SMU1: variants seen among roughly 807,000 people sequenced by gnomAD.
The protein encoded by SMU1 is WD40 repeat-containing protein SMU1.
A neutral mutation model predicts 62.0 loss-of-function variants in SMU1; 2 were observed. That is an observed-to-expected ratio of 0.03 (90% CI 0.01 to 0.10). The LOEUF (loss-of-function observed/expected upper bound fraction) is 0.10, where lower values mean the gene tolerates loss of function less well. SMU1 is among the 10% of genes least tolerant of loss of function. SMU1 has a pLI of 1.00. For synonymous variants in SMU1, 188 were observed against 212.4 expected (o/e 0.89, Z 1.00); for missense variants, 227 against 622.1 (o/e 0.36, Z 6.76).
In SMU1 at chr9:33,051,051, G is replaced by GTC. The variant is rs1839241507; in HGVS notation, c.1290+2071_1290+2072insGA. ...CAGGAGAATGGCGTGAACCCAGGAG[G>GTC]CGGAGCTTGCAGTGAGCCGAGATCG... On this transcript the variant is annotated intron_variant, in intron 10 of 11. Coordinates refer to ENST00000397149, the MANE Select transcript of SMU1 (RefSeq NM_018225.3). 7.2e-5 allele frequency among the ~76,000 whole-genome samples: 7 copies of GTC among 96,876 alleles called. 1 individual carries two copies. Among genetic ancestry groups the GTC allele is most frequent in the Non-Finnish European group, 1.6e-4 (7 of 44,014 alleles). The allele number at this position is 96,876 out of a possible 152,430, so 63.6% of individuals were successfully genotyped here. A position where few individuals can be genotyped will look rare whatever the true frequency, so the allele number is the denominator to read the frequency against.
At position 33,047,119 on chromosome 9, in the gene SMU1, TA is replaced by T. The variant is rs1301983566; in HGVS notation, c.*173del. On this transcript the variant is annotated 3_prime_UTR_variant, in exon 12 of 12. Transcript: ENST00000397149. ...GATAAACTAATACCTTAAAAATATATAAAAAAAGAAAGGGTAGTTGCTACTT... is the reference window on the plus strand; with the variant it reads ...GATAAACTAATACCTTAAAAATATATAAAAAAGAAAGGGTAGTTGCTACTT... The T allele has an allele frequency of 5.9e-6, 3 of 511,574 alleles. No individual in the cohort carries two copies. The highest frequency in any genetic ancestry group is 1.0e-5 in the Non-Finnish European group (3 of 290,382). The allele number at this position is 511,574 out of a possible 1,614,324, so 31.7% of individuals were successfully genotyped here.
chr9:33,050,692 G>A (rs1839234176), intron 10 of SMU1, among the ~76,000 whole-genome samples: 1 of 151,876 alleles, frequency 6.6e-6, no homozygotes, highest in South Asian at 2.1e-4. Flanking sequence ...AGGGTGCAGT[G>A]GGAGGCGCCT....
At chr9:33,047,539 C>T (rs1839200063) in intron 11 of SMU1, 148 bp from the exon 12 acceptor site, 4 of 576,810 alleles carry the variant, frequency 6.9e-6, no homozygotes, top group Non-Finnish European at 1.2e-5. Context: ...GAGGGTTTTC[C>T]AACTCACATC....
At chr9:33,052,976 A>G in intron 10 of SMU1, 147 bp downstream of exon 10, 1 of 701,094 alleles carries the variant, frequency 1.4e-6, no homozygotes, top group Non-Finnish European at 2.5e-6. Flanking sequence ...ATGGAGCTAT[A>G]AATAAATCTG....
chr9:33,057,847 T>G (rs1839319411), intron 6 of SMU1, 133 bp from the exon 7 acceptor site: 1 of 1,008,338 alleles, frequency 9.9e-7, no homozygotes, highest in Non-Finnish European at 1.4e-6. Flanking sequence ...GTGCCGTGCA[T>G]ACACGTTCCT....
Position 33,056,056 on chromosome 9 carries a change from C to G in SMU1, c.1122+57G>C. ...TTCCCATTATCACCACTGAAAACTC[C>G]TCAAAGGACAAAGATGGGGTAGACA... On this transcript the variant is annotated intron_variant, in intron 9 of 11. Coordinates refer to ENST00000397149, the MANE Select transcript of SMU1 (RefSeq NM_018225.3). 3.2e-6 allele frequency: 5 copies of G among 1,542,656 alleles called. No individual in the cohort carries two copies. The South Asian group carries it at 6.1e-5, about 19-fold the overall frequency.
At chr9:33,071,536 CAAAT>C (rs1175494076) in intron 3 of SMU1, among the ~76,000 whole-genome samples, 200 bp downstream of exon 3, 3 of 151,858 alleles carry the variant, frequency 2.0e-5, no homozygotes, top group Non-Finnish European at 4.4e-5. Flanking sequence ...ATAGAAGACT[CAAAT>C]AATCAGAAAA....
chr9:33,061,977 C>T, intron 5 of SMU1, 72 bp downstream of exon 5: 2 of 1,523,936 alleles, frequency 1.3e-6, no homozygotes, highest in African/African-American at 1.4e-5. Context: ...GCCCCTGGCA[C>T]AGGGCCTGGC....
rs10758181 is a variant in SMU1, at chr9:33,045,163, C to T, written c.*2130G>A. On this transcript the variant is annotated 3_prime_UTR_variant, in exon 12 of 12. Transcript: ENST00000397149. The stretch of plus-strand genomic sequence containing the variant: ...CATAAACGGTGATACAAACTATGCA[C>T]ATCATAACTACCAGCTTCATGAGGT... The T allele has an allele frequency of 0.32, 48,852 of 151,964 alleles. 8,172 individuals carry two copies. The highest frequency in any genetic ancestry group is 0.37 in the Non-Finnish European group (25,041 of 67,926). The allele number at this position is 151,964 out of a possible 1,614,324, so 9.4% of individuals were successfully genotyped here. A position where few individuals can be genotyped will look rare whatever the true frequency, so the allele number is the denominator to read the frequency against.
At chr9:33,072,971 T>A (rs1049054444) in intron 2 of SMU1, among the ~76,000 whole-genome samples, 1 of 152,234 alleles carries the variant, frequency 6.6e-6, no homozygotes, top group Non-Finnish European at 1.5e-5. Flanking sequence ...TCCTAGGTTC[T>A]TGGCTTGGAG....
intron 11 of SMU1, 45 bp from the exon 12 acceptor site, chr9:33,047,436 A>G: frequency 1.3e-6 from 2 of 1,535,290 alleles, no homozygotes; most frequent in Middle Eastern, 3.4e-4. Flanking sequence ...GATCTGCAAT[A>G]AATCACTCTG....
Position 33,057,658 on chromosome 9 carries a change from G to A in SMU1, c.807C>T (p.Cys269=). Residue 269 remains cysteine (C), a synonymous_variant, in exon 7 of 12, where the codon TGC becomes TGT. Coordinates refer to ENST00000397149, the MANE Select transcript of SMU1 (RefSeq NM_018225.3). ...TTTCTGTATCTCTGCTGAAACACAT[G>A]CAGAGGACAGCATCATCCATCATCA... is the stretch of plus-strand genomic sequence containing the variant. ...NFMMMDDAVL[C]MCFSRDTEML... is the part of the protein sequence containing the mutation. 1 of 1,613,942 alleles carries A rather than the reference G, an allele frequency of 6.2e-7. No homozygotes were observed. The highest frequency in any genetic ancestry group is 1.3e-5 in the African/African-American group (1 of 75,032).
At chr9:33,061,708 T>C (rs1173612328) in intron 5 of SMU1, among the ~76,000 whole-genome samples, 2 of 152,130 alleles carry the variant, frequency 1.3e-5, no homozygotes, top group African/African-American at 4.8e-5. Flanking sequence ...AAAATAAAAA[T>C]GGTAAACAGA....
chr9:33,068,491 C>T (rs1349631184), intron 4 of SMU1, among the ~76,000 whole-genome samples: 2 of 151,938 alleles, frequency 1.3e-5, no homozygotes, highest in Non-Finnish European at 2.9e-5. Flanking sequence ...GGAAATTGTA[C>T]CAGGAGTTCA....
chr9:33,067,001 C>T (rs919475394), intron 4 of SMU1, among the ~76,000 whole-genome samples: 9 of 151,964 alleles, frequency 5.9e-5, no homozygotes, highest in African/African-American at 7.2e-5. Context: ...GGACTTTTGA[C>T]GGTTCTACTA....
chr9:33,059,152 T>C (rs1022917916), intron 6 of SMU1, among the ~76,000 whole-genome samples: 3 of 152,216 alleles, frequency 2.0e-5, no homozygotes, highest in African/African-American at 7.2e-5. Flanking sequence ...GTTCAATCCA[T>C]GCAATGTAAT....
In SMU1 at chr9:33,048,129, C is replaced by T; in HGVS notation, c.1420G>A (p.Gly474Ser). ...FVLYCFSTVT[G>S]KLERTLTVHE... ...ACTGTCAAAGTTCTCTCCAGTTTGCCAGTGACTGTACTGAAACAGTAGAGC... is the reference window on the plus strand; with the variant it reads ...ACTGTCAAAGTTCTCTCCAGTTTGCTAGTGACTGTACTGAAACAGTAGAGC... The change falls in exon 11 of 12, where the codon GGC (glycine) becomes AGC (serine). Residue 474 changes from glycine to serine, a missense_variant. Physicochemically the swap from Gly to Ser is moderately conservative, Grantham distance 56. This residue lies in a region of SMU1 where 25 missense variants were observed against 116.2 expected (regional missense o/e 0.22). Transcript: ENST00000397149. 6.2e-7 allele frequency: 1 copy of T among 1,613,966 alleles called. No individual in the cohort carries two copies. The highest frequency in any genetic ancestry group is 8.5e-7 in the Non-Finnish European group (1 of 1,179,966).
chr9:33,072,177 T>C (rs574991886), intron 2 of SMU1, among the ~76,000 whole-genome samples: 1 of 151,584 alleles, frequency 6.6e-6, no homozygotes, highest in African/African-American at 2.4e-5. Flanking sequence ...CTACTAAAAA[T>C]ACAAAAAAAA....
intron 4 of SMU1, among the ~76,000 whole-genome samples, chr9:33,066,576 G>A (rs1779236755): frequency 6.6e-6 from 1 of 150,650 alleles, no homozygotes; most frequent in East Asian, 2.0e-4. Context: ...GGGAGGCCGA[G>A]GTGGGCAGAT....
Sources: gnomAD v4.1 joint callset for allele counts (sites outside exome capture counted in the v4.1 genomes callset) on GRCh38, gnomAD v4.1.1 for gene constraint, gnomAD v4.1.1 regional missense constraint, MANE v1.5 for transcripts, NCBI Gene and HGNC (gene_info 2026-07-23, HGNC 2026-07-21) for gene names.